The following LEPR variants were observed in gnomAD, a reference collection of about 807,000 sequenced individuals.
LEPR encodes the protein OB receptor.
A neutral mutation model predicts 114.7 loss-of-function variants in LEPR; 56 were observed. That is an observed-to-expected ratio of 0.49 (90% confidence interval 0.39 to 0.61). The LOEUF is 0.61. Among genes scored for constraint, LEPR ranks in the 20% least tolerant of loss-of-function variants. The pLI, the probability that LEPR is intolerant of heterozygous loss-of-function variation, is 0.00. For missense variants in LEPR, 1,202 were observed against 1,352.9 expected (o/e 0.89, Z 1.75); for synonymous variants, 443 against 461.4 (o/e 0.96, Z 0.51).
At chr1:65,433,046 G>C (rs537242608) in intron 2 of LEPR, 1 of 985,442 alleles carries the variant, frequency 1.0e-6, no homozygotes, top group East Asian at 1.1e-4. Context: ...GCTCCACTGA[G>C]ATGCGGGCAG....
chr1:65,525,597 TC>T (rs987472336), intron 2 of LEPR: 1 of 982,506 alleles, frequency 1.0e-6, no homozygotes, highest in African/African-American at 1.8e-5. Flanking sequence ...ACCCGACTCT[TC>T]CCTCCCTTCT....
intron 1 of LEPR, chr1:65,421,445 G>A: frequency 6.5e-7 from 1 of 1,536,090 alleles, no homozygotes; most frequent in Non-Finnish European, 8.7e-7. Flanking sequence ...TTTTTGCAAG[G>A]CTTCCTGTAT....
chr1:65,505,866 T>C (rs1227521356), intron 2 of LEPR, among the ~76,000 whole-genome samples: 1 of 152,128 alleles, frequency 6.6e-6, no homozygotes, highest in African/African-American at 2.4e-5. Context: ...ACTGATGCAA[T>C]TAGTCTATCA....
rs758422493 is a variant in LEPR at position 65,636,378 on chromosome 1, G to T, written c.2861G>T (p.Cys954Phe). The part of the protein sequence containing the change: ...STTDLEKGSV[C>F]ISDQFNSVNF... ...ACAGATCTTGAAAAGGGTTCTGTTT[G>T]TATTAGTGACCAGTTCAACAGTGTT... The change falls in exon 20 of 20, where the codon TGT becomes TTT. Residue 954 changes from cysteine to phenylalanine, a missense_variant. Coordinates refer to ENST00000349533, the MANE Select transcript of LEPR (RefSeq NM_002303.6). 11 of 1,614,050 alleles carry T rather than the reference G, an allele frequency of 6.8e-6. No homozygotes were observed. The highest frequency in any genetic ancestry group is 2.2e-5 in the East Asian group (1 of 44,876).
At chr1:65,522,286 G>A (rs1649672804) in intron 2 of LEPR, among the ~76,000 whole-genome samples, 1 of 151,994 alleles carries the variant, frequency 6.6e-6, no homozygotes, top group Non-Finnish European at 1.5e-5. Flanking sequence ...TCAGTAATTT[G>A]GTTAGGTTAA....
At chr1:65,450,775 C>T (rs1201538240) in intron 2 of LEPR, among the ~76,000 whole-genome samples, 1 of 151,300 alleles carries the variant, frequency 6.6e-6, no homozygotes, top group Non-Finnish European at 1.5e-5. Context: ...GATTTATAGT[C>T]CTTTGGGTAT....
At chr1:65,553,346 G>T (rs907518813) in intron 2 of LEPR, among the ~76,000 whole-genome samples, 1 of 152,030 alleles carries the variant, frequency 6.6e-6, no homozygotes, top group Admixed American at 6.6e-5. Context: ...TCACTTTCAG[G>T]TACACCAATC....
At chr1:65,481,963 C>T (rs1273667790) in intron 2 of LEPR, among the ~76,000 whole-genome samples, 1 of 151,846 alleles carries the variant, frequency 6.6e-6, no homozygotes, top group African/African-American at 2.4e-5. Flanking sequence ...ACACCTACAA[C>T]AAGCTACAGA....
chr1:65,615,781 G>C (rs1288112581), intron 14 of LEPR, among the ~76,000 whole-genome samples: 1 of 152,140 alleles, frequency 6.6e-6, no homozygotes. Flanking sequence ...TCAAAAAGGG[G>C]AAAATAAGTT....
intron 2 of LEPR, chr1:65,526,307 A>G: frequency 1.0e-6 from 1 of 985,438 alleles, no homozygotes; most frequent in Non-Finnish European, 1.2e-6. Context: ...CCTTCCCTGC[A>G]AGCAAATTAA....
chr1:65,483,976 T>C (rs1483874893), intron 2 of LEPR, among the ~76,000 whole-genome samples: 1 of 152,128 alleles, frequency 6.6e-6, no homozygotes, highest in East Asian at 1.9e-4. Context: ...TCTTGCTCTG[T>C]TGTCTAGGCT....
At chr1:65,433,112 A>G in intron 2 of LEPR, 1 of 985,366 alleles carries the variant, frequency 1.0e-6, no homozygotes, top group Non-Finnish European at 1.2e-6. Context: ...ACAGATAGGT[A>G]ACTCTTTTAC....
intron 15 of LEPR, among the ~76,000 whole-genome samples, chr1:65,616,521 A>G (rs1354121803): frequency 6.6e-6 from 1 of 152,156 alleles, no homozygotes; most frequent in African/African-American, 2.4e-5. Flanking sequence ...CTTTAGGTCA[A>G]TAATTCTCTC....
intron 2 of LEPR, among the ~76,000 whole-genome samples, chr1:65,478,428 T>C (rs990318263): frequency 3.3e-5 from 5 of 152,228 alleles, no homozygotes; most frequent in African/African-American, 1.2e-4. Flanking sequence ...TTTGAAGGCT[T>C]TTAGAGCTCA....
At chr1:65,634,222 A>G (rs1163926741) in intron 19 of LEPR, 2 of 960,158 alleles carry the variant, frequency 2.1e-6, no homozygotes, top group Non-Finnish European at 2.5e-6. Flanking sequence ...ATATGCGTAT[A>G]TATGTATATA....
At chr1:65,630,546 A>T (rs551415021) in intron 19 of LEPR, 2 of 152,020 alleles carry the variant, frequency 1.3e-5, no homozygotes, top group African/African-American at 4.8e-5. Context: ...GTCTCCTGTC[A>T]ATTCTAAGAA....
At chr1:65,585,593 T>G (rs2100866484) in intron 5 of LEPR, among the ~76,000 whole-genome samples, 1 of 152,160 alleles carries the variant, frequency 6.6e-6, no homozygotes. Flanking sequence ...TCATACTATT[T>G]TCACTTTCAA....
intron 16 of LEPR, 47 bp downstream of exon 16, chr1:65,618,193 C>A: frequency 1.3e-6 from 2 of 1,523,872 alleles, no homozygotes; most frequent in South Asian, 1.2e-5. Context: ...ATTAATATGA[C>A]ACTACAGATT....
At chr1:65,431,916 G>A (rs772217971) in intron 2 of LEPR, 1 of 1,613,652 alleles carries the variant, frequency 6.2e-7, no homozygotes, top group African/African-American at 1.3e-5. Context: ...GGGAGCAGTG[G>A]TAGCACTTTA....
Sources: allele counts gnomAD v4.1 joint callset (sites outside exome capture counted in the v4.1 genomes callset), GRCh38; gene constraint gnomAD v4.1.1; transcripts MANE v1.5; gene names NCBI Gene and HGNC (gene_info 2026-07-23, HGNC 2026-07-21).